DTNA: variants seen among roughly 807,000 people sequenced by gnomAD.
DTNA encodes the protein dystrobrevin alpha.
DTNA carries 43 observed loss-of-function variants against 100.7 expected under a neutral mutation model. The ratio of observed to expected loss-of-function variants is 0.43; its 90% CI spans 0.33 to 0.55. DTNA has a LOEUF of 0.55. DTNA is among the 20% of genes least tolerant of loss of function. The probability of loss-of-function intolerance (pLI) is 0.04; values close to 1 mark genes in which losing one functional copy is unlikely to be tolerated. For missense variants in DTNA, 798 were observed against 953.9 expected (o/e 0.84, Z 2.15); for synonymous variants, 349 against 347.9 (o/e 1.00, Z -0.04).
chr18:34,635,197 T>C (rs1266285185), intron 1 of DTNA, among the ~76,000 whole-genome samples: 1 of 152,194 alleles, frequency 6.6e-6, no homozygotes, highest in Non-Finnish European at 1.5e-5. Context: ...ATGACAAGAT[T>C]TCCTTCTTTT....
chr18:34,625,622 C>A (rs1396831617), intron 1 of DTNA, among the ~76,000 whole-genome samples: 1 of 152,098 alleles, frequency 6.6e-6, no homozygotes, highest in Non-Finnish European at 1.5e-5. Flanking sequence ...CATTTATACA[C>A]TTATATATAC....
At chr18:34,511,180 G>A (rs1379991633) in intron 1 of DTNA, among the ~76,000 whole-genome samples, 1 of 152,052 alleles carries the variant, frequency 6.6e-6, no homozygotes. Context: ...CCTACTGGCT[G>A]ATCCCCACGG....
chr18:34,642,485 T>TTTCC (rs60259511), intron 1 of DTNA, among the ~76,000 whole-genome samples: 10,295 of 151,792 alleles, frequency 0.068, 1,070 homozygotes, highest in African/African-American at 0.23. Flanking sequence ...GCTGGGTTGC[T>TTTCC]TTCCTTCCTT....
intron 17 of DTNA, among the ~76,000 whole-genome samples, chr18:34,865,724 G>A (rs2096693151): frequency 1.3e-5 from 2 of 152,178 alleles, no homozygotes; most frequent in South Asian, 2.1e-4. Context: ...TGAATGACAG[G>A]AAGCTTTGAA....
chr18:34,503,163 A>T (rs1434095287), intron 1 of DTNA, among the ~76,000 whole-genome samples: 2 of 151,616 alleles, frequency 1.3e-5, no homozygotes, highest in East Asian at 1.9e-4. Flanking sequence ...ATTAATATAG[A>T]CACTCATTTT....
intron 15 of DTNA, 149 bp downstream of exon 15, chr18:34,852,077 C>G: frequency 1.2e-6 from 1 of 838,908 alleles, no homozygotes. Flanking sequence ...TTCCAAAAAG[C>G]TGGTCTTTAG....
chr18:34,609,153 T>G (rs2053705452), intron 1 of DTNA, among the ~76,000 whole-genome samples: 1 of 152,208 alleles, frequency 6.6e-6, no homozygotes, highest in Non-Finnish European at 1.5e-5. Flanking sequence ...GGAAAAAGTT[T>G]ATCACTCAAG....
chr18:34,503,118 T>G (rs2040105988), intron 1 of DTNA, among the ~76,000 whole-genome samples: 1 of 152,132 alleles, frequency 6.6e-6, no homozygotes, highest in Non-Finnish European at 1.5e-5. Context: ...CTGTATCTGG[T>G]AGTTTTATTT....
chr18:34,689,645 A>G lies in DTNA; in HGVS notation c.-1-66331A>G, dbSNP rs369660090. Among the ~76,000 whole-genome samples, 700 of 152,266 alleles carry G rather than the reference A, an allele frequency of 4.6e-3. 5 individuals carry two copies. The highest frequency in any genetic ancestry group is 0.016 in the African/African-American group (660 of 41,548). Reference sequence around the variant, plus strand: ...TGTCAGGGACCCACTTGAGGAGGCAATCTGTCCCTTAGCAGAGCTCGAGTG... The same window carrying G: ...TGTCAGGGACCCACTTGAGGAGGCAGTCTGTCCCTTAGCAGAGCTCGAGTG... On this transcript the variant is annotated intron_variant, in intron 1 of 19. Coordinates refer to the DTNA transcript ENST00000283365.
intron 1 of DTNA, among the ~76,000 whole-genome samples, chr18:34,724,295 T>C (rs1458010696): frequency 6.6e-6 from 1 of 152,186 alleles, no homozygotes; most frequent in Non-Finnish European, 1.5e-5. Flanking sequence ...TATAATGTCT[T>C]ATAACAGGAA....
At chr18:34,854,383 T>C (rs1342714486) in intron 15 of DTNA, among the ~76,000 whole-genome samples, 3 of 152,196 alleles carry the variant, frequency 2.0e-5, no homozygotes, top group Admixed American at 6.5e-5. Context: ...TTTTTTTCAG[T>C]CCACAAAGTC....
chr18:34,770,869 G>T (rs1418167235), intron 3 of DTNA, among the ~76,000 whole-genome samples: 1 of 143,338 alleles, frequency 7.0e-6, no homozygotes, highest in African/African-American at 2.6e-5. Flanking sequence ...TGCAACCTCT[G>T]CCTCCTGGAT....
chr18:34,800,249 T>C (rs1248743735), intron 4 of DTNA, among the ~76,000 whole-genome samples: 1 of 152,196 alleles, frequency 6.6e-6, no homozygotes, highest in South Asian at 2.1e-4. Context: ...GGTGTTATGA[T>C]AGGCTGGGAA....
intron 1 of DTNA, among the ~76,000 whole-genome samples, chr18:34,509,505 A>G (rs977805202): frequency 6.6e-6 from 1 of 152,084 alleles, no homozygotes. Context: ...TTTAACCCAA[A>G]CACTGTAAAA....
chr18:34,890,462 C>G lies in DTNA; in HGVS notation c.*2728C>G. On this transcript the variant is annotated 3_prime_UTR_variant, in exon 23 of 23. Coordinates refer to ENST00000444659, the MANE Select transcript of DTNA (RefSeq NM_001386795.1). ...CTAAGTGCAAACCCAGCAAGTTTCA[C>G]TTGTCCTGTCCATTAGATACAACTA... 6.5e-7 allele frequency: 1 copy of G among 1,536,084 alleles called. No individual in the cohort carries two copies.
chr18:34,808,814 G>A (rs1483261244), intron 5 of DTNA, among the ~76,000 whole-genome samples: 1 of 152,140 alleles, frequency 6.6e-6, no homozygotes, highest in Non-Finnish European at 1.5e-5. Context: ...ACAAATGCAT[G>A]TGTCCCCTTG....
At chr18:34,700,109 A>G (rs1458268925) in intron 1 of DTNA, among the ~76,000 whole-genome samples, 1 of 152,188 alleles carries the variant, frequency 6.6e-6, no homozygotes, top group African/African-American at 2.4e-5. Flanking sequence ...CTTAACTTTG[A>G]CCACCATAGA....
intron 4 of DTNA, among the ~76,000 whole-genome samples, chr18:34,800,584 T>A (rs1303136905): frequency 6.6e-6 from 1 of 152,238 alleles, no homozygotes; most frequent in Non-Finnish European, 1.5e-5. Flanking sequence ...GTTTGAGTGC[T>A]GTGCCTCTGC....
At chr18:34,866,646 A>G (rs1603300454) in intron 17 of DTNA, 1 of 1,010,818 alleles carries the variant, frequency 9.9e-7, no homozygotes, top group East Asian at 9.0e-5. Flanking sequence ...ATCCCTTTTC[A>G]TCACACAATT....
Sources: allele counts gnomAD v4.1 joint callset (sites outside exome capture counted in the v4.1 genomes callset), GRCh38; gene constraint gnomAD v4.1.1; transcripts MANE v1.5; gene names NCBI Gene and HGNC (gene_info 2026-07-23, HGNC 2026-07-21).